The following NIPBL variants were observed in gnomAD, a reference collection of about 807,000 sequenced individuals.
The protein encoded by NIPBL is NIPBL cohesin loading factor.
In NIPBL, 19 loss-of-function variants were observed where a neutral mutation model predicts 321.8. The observed-to-expected ratio is 0.06, with a 90% CI of 0.04 to 0.09. The LOEUF is 0.09. Ranked by LOEUF, NIPBL falls within the 10% of genes least tolerant of loss-of-function variation. The probability of loss-of-function intolerance (pLI) is 1.00; values close to 1 mark genes in which losing one functional copy is unlikely to be tolerated. For missense variants in NIPBL, 2,210 were observed against 3,327.0 expected (o/e 0.66, Z 8.26); for synonymous variants, 1,106 against 1,114.1 (o/e 0.99, Z 0.14).
At position 37,044,744 on chromosome 5, in the gene NIPBL, AGG is replaced by A; in HGVS notation, c.6343+17_6343+18del. The A allele has an allele frequency of 6.3e-7, 1 of 1,578,376 alleles. No individual in the cohort carries two copies. The highest frequency in any genetic ancestry group is 1.1e-5 in the South Asian group (1 of 90,368). On this transcript the variant is annotated intron_variant, in intron 36 of 46. Transcript: ENST00000282516. ...TAGATACTATGGTAAGTTCAATACCAGGGTTTTAAAATTATTCTGCTAGGTCC... is the reference window on the plus strand; with the variant it reads ...TAGATACTATGGTAAGTTCAATACCAGTTTTAAAATTATTCTGCTAGGTCC...
chr5:36,916,269 A>G (rs978898417), intron 1 of NIPBL, among the ~76,000 whole-genome samples: 5 of 152,336 alleles, frequency 3.3e-5, no homozygotes, highest in Middle Eastern at 6.8e-3. Flanking sequence ...AGAAGATGAT[A>G]CCTATTTTCA....
chr5:36,953,792 C>G, intron 2 of NIPBL, 32 bp downstream of exon 2: 3 of 1,530,412 alleles, frequency 2.0e-6, no homozygotes, highest in Non-Finnish European at 2.7e-6. Flanking sequence ...AATTTAAGTT[C>G]TACTGTGTGT....
At chr5:37,010,048 A>G in intron 20 of NIPBL, 39 bp from the exon 21 acceptor site, 1 of 1,480,918 alleles carries the variant, frequency 6.8e-7, no homozygotes, top group South Asian at 1.1e-5. Context: ...AAATGAGATT[A>G]TCTTGATACT....
intron 1 of NIPBL, among the ~76,000 whole-genome samples, chr5:36,949,316 A>G (rs560363346): frequency 6.6e-6 from 1 of 151,848 alleles, no homozygotes; most frequent in African/African-American, 2.4e-5. Flanking sequence ...TCATGGATGT[A>G]CCATCATTTG....
chr5:37,029,117 A>G (rs1218147188), intron 32 of NIPBL, among the ~76,000 whole-genome samples: 1 of 152,202 alleles, frequency 6.6e-6, no homozygotes, highest in Non-Finnish European at 1.5e-5. Context: ...CAGGAAGCAC[A>G]TATCTAGTTG....
intron 10 of NIPBL, among the ~76,000 whole-genome samples, chr5:36,993,737 G>T (rs1255043039): frequency 6.6e-6 from 1 of 151,610 alleles, no homozygotes; most frequent in Non-Finnish European, 1.5e-5. Flanking sequence ...AACCTATGAA[G>T]ATTATAATGT....
chr5:37,012,315 A>G (rs1198189338), intron 21 of NIPBL, among the ~76,000 whole-genome samples: 1 of 143,398 alleles, frequency 7.0e-6, no homozygotes, highest in Non-Finnish European at 1.5e-5. Flanking sequence ...ATGCCGGGCT[A>G]ATTTTTTTTT....
intron 1 of NIPBL, among the ~76,000 whole-genome samples, chr5:36,912,990 A>G (rs1286990814): frequency 1.3e-5 from 2 of 152,190 alleles, no homozygotes. Context: ...ATTGGCGTTA[A>G]GTTTTCAACA....
intron 4 of NIPBL, among the ~76,000 whole-genome samples, chr5:36,959,645 T>G (rs1741377701): frequency 2.6e-5 from 4 of 152,214 alleles, no homozygotes; most frequent in Admixed American, 2.6e-4. Flanking sequence ...TATGAGAATG[T>G]GAGTAAATCT....
At chr5:36,938,912 T>A (rs1282034703) in intron 1 of NIPBL, among the ~76,000 whole-genome samples, 1 of 152,188 alleles carries the variant, frequency 6.6e-6, no homozygotes, top group Non-Finnish European at 1.5e-5. Context: ...TGTGTGTACA[T>A]ATAGTTATGT....
At chr5:37,014,215 G>A (rs539076072) in intron 21 of NIPBL, among the ~76,000 whole-genome samples, 45 of 152,032 alleles carry the variant, frequency 3.0e-4, no homozygotes, top group African/African-American at 1.1e-3. Flanking sequence ...GGGAGAGGGA[G>A]ACCGTGGAGA....
chr5:37,016,125 A>G lies in NIPBL; in HGVS notation c.4731A>G (p.Glu1577=), dbSNP rs140021654. 6.4e-4 allele frequency: 1,027 copies of G among 1,613,922 alleles called. 3 individuals carry two copies. Among genetic ancestry groups the G allele is most frequent in the Non-Finnish European group, 8.0e-4 (942 of 1,179,882 alleles). The change falls in exon 23 of 47, where the codon GAA becomes GAG. Residue 1577 remains glutamate, a synonymous_variant. Coordinates refer to ENST00000282516, the MANE Select transcript of NIPBL (RefSeq NM_133433.4). ...QDLLSTVNKP[E]WPAAELLLSL... is the part of the protein sequence containing the mutation. ...TTCTTTCAACAGTCAATAAGCCTGA[A>G]TGGCCAGCTGCTGAACTACTCCTTA...
intron 9 of NIPBL, among the ~76,000 whole-genome samples, chr5:36,979,441 T>C (rs1743891813): frequency 6.6e-6 from 1 of 151,938 alleles, no homozygotes; most frequent in Non-Finnish European, 1.5e-5. Flanking sequence ...AATTATTTTG[T>C]ATCCTAAAGC....
rs1223079162 is a variant in NIPBL at position 37,022,405 on chromosome 5, T to C, written c.5574+15T>C. The C allele has an allele frequency of 1.9e-6, 3 of 1,591,680 alleles. No homozygotes were observed. In the East Asian group the frequency reaches 6.8e-5, roughly 36 times the overall value. On this transcript the variant is annotated intron_variant, in intron 29 of 46. Transcript: ENST00000282516. ...AAAGAATATTGGTATGTTTGTCATT[T>C]TTATAATGATTCGTGAATATAATTT...
At position 36,959,681 on chromosome 5, in the gene NIPBL, T is replaced by C. The variant is rs182659677; in HGVS notation, c.358+1450T>C. On this transcript the variant is annotated intron_variant, in intron 4 of 46. Coordinates refer to ENST00000282516, the MANE Select transcript of NIPBL (RefSeq NM_133433.4). Reference sequence around the variant, plus strand: ...AATATTGGATAAATGAATCTAAGGCTACTAATACTACATTTTTGCAACTTA... The same window carrying C: ...AATATTGGATAAATGAATCTAAGGCCACTAATACTACATTTTTGCAACTTA... Among the ~76,000 whole-genome samples the C allele has an allele frequency of 3.4e-4, 52 of 152,344 alleles. No individual in the cohort carries two copies. In the East Asian group the frequency reaches 9.4e-3, roughly 28 times the overall value.
Position 36,939,418 on chromosome 5 carries a change from A to AT in NIPBL, c.-79-14194dup, listed in dbSNP as rs1236615378. ...TAGTTTGTAGGCTTTTGAAATTGGT[A>AT]TTTTTTCTACTTAGTGTAATTTCCT... On this transcript the variant is annotated intron_variant, in intron 1 of 46. Coordinates refer to ENST00000282516, the MANE Select transcript of NIPBL (RefSeq NM_133433.4). 7.2e-5 allele frequency among the ~76,000 whole-genome samples: 11 copies of AT among 152,114 alleles called. No homozygotes were observed. In the East Asian group the frequency reaches 7.7e-4, roughly 11 times the overall value.
chr5:37,023,018 G>C (rs1749826400), intron 29 of NIPBL, among the ~76,000 whole-genome samples: 1 of 152,182 alleles, frequency 6.6e-6, no homozygotes, highest in Admixed American at 6.5e-5. Flanking sequence ...ACCCATTGCA[G>C]GCATATTGAC....
At chr5:36,938,716 G>A (rs981050714) in intron 1 of NIPBL, among the ~76,000 whole-genome samples, 1 of 152,044 alleles carries the variant, frequency 6.6e-6, no homozygotes, top group Non-Finnish European at 1.5e-5. Context: ...TAAATCCATA[G>A]GAAGTTGGGA....
At chr5:36,944,777 T>TA (rs1739478681) in intron 1 of NIPBL, among the ~76,000 whole-genome samples, 1 of 152,110 alleles carries the variant, frequency 6.6e-6, no homozygotes, top group Non-Finnish European at 1.5e-5. Context: ...TTTTCTCACT[T>TA]ATTTACATAA....
Sources: gnomAD v4.1 joint callset for allele counts (sites outside exome capture counted in the v4.1 genomes callset) on GRCh38, gnomAD v4.1.1 for gene constraint, MANE v1.5 for transcripts, NCBI Gene and HGNC (gene_info 2026-07-23, HGNC 2026-07-21) for gene names.